RIGI: variants seen among roughly 807,000 people sequenced by gnomAD.
The protein encoded by RIGI is antiviral innate immune response receptor RIG-I.
At chr9:32,484,531 C>T in the RIGI span, among the ~76,000 whole-genome samples, 3 of 152,216 alleles carry the variant, frequency 2.0e-5, no homozygotes, top group Middle Eastern at 6.8e-3. Context: ...GGGAAATCAG[C>T]CCCTCCTGCC....
At chr9:32,471,517 T>C in the RIGI span, among the ~76,000 whole-genome samples, 1 of 152,228 alleles carries the variant, frequency 6.6e-6, no homozygotes, top group Non-Finnish European at 1.5e-5. Flanking sequence ...AGCTCACATT[T>C]TGTAGAAGAA....
the RIGI span, among the ~76,000 whole-genome samples, chr9:32,478,716 T>C: frequency 6.6e-6 from 1 of 152,046 alleles, no homozygotes; most frequent in Non-Finnish European, 1.5e-5. Context: ...CATACCACTA[T>C]GCTCAGCTAA....
chr9:32,505,507 A>G, the RIGI span, among the ~76,000 whole-genome samples: 1 of 152,184 alleles, frequency 6.6e-6, no homozygotes, highest in Non-Finnish European at 1.5e-5. Context: ...CCTCACTCAA[A>G]TCAGAGACAG....
At chr9:32,493,760 C>T in the RIGI span, 2 of 1,541,026 alleles carry the variant, frequency 1.3e-6, no homozygotes, top group Admixed American at 2.0e-5. Flanking sequence ...TATTAACTTA[C>T]CTGTAGAATT....
chr9:32,524,270 T>G, the RIGI span, among the ~76,000 whole-genome samples: 3 of 152,176 alleles, frequency 2.0e-5, no homozygotes, highest in Admixed American at 1.3e-4. Flanking sequence ...GCTGAGTAAA[T>G]TACCTCCAAT....
chr9:32,525,914 C>T, the RIGI span: 1 of 708,940 alleles, frequency 1.4e-6, no homozygotes, highest in Non-Finnish European at 2.5e-6. Context: ...ACTCTGGCAA[C>T]CTCTAGCCTA....
chr9:32,470,041 T>C, the RIGI span, among the ~76,000 whole-genome samples: 12 of 152,234 alleles, frequency 7.9e-5, no homozygotes, highest in East Asian at 3.8e-4. Context: ...GGCAGCTTTA[T>C]TTTCAGAAAG....
At chr9:32,463,833 A>C in the RIGI span, among the ~76,000 whole-genome samples, 7 of 133,300 alleles carry the variant, frequency 5.3e-5, no homozygotes, top group Non-Finnish European at 1.1e-4. Context: ...CTTTCACCCC[A>C]TCTTTATTCT....
chr9:32,471,974 A>C, the RIGI span, among the ~76,000 whole-genome samples: 2 of 152,132 alleles, frequency 1.3e-5, no homozygotes, highest in Admixed American at 1.3e-4. Context: ...TGCTTATTAT[A>C]AACAACACTA....
At chr9:32,490,523 A>C in the RIGI span, among the ~76,000 whole-genome samples, 1 of 152,180 alleles carries the variant, frequency 6.6e-6, no homozygotes, top group Non-Finnish European at 1.5e-5. Context: ...CAAAACAAAA[A>C]AACTTGTAAC....
chr9:32,525,700 T>C, the RIGI span, among the ~76,000 whole-genome samples: 1 of 152,210 alleles, frequency 6.6e-6, no homozygotes, highest in East Asian at 1.9e-4. Context: ...TGGACTGTAA[T>C]GTATACTAAG....
the RIGI span, among the ~76,000 whole-genome samples, chr9:32,467,233 G>A: frequency 6.6e-6 from 1 of 151,740 alleles, no homozygotes; most frequent in Non-Finnish European, 1.5e-5. Context: ...TTGGATTTTG[G>A]AAACTCTTTA....
chr9:32,490,380 T>TAACAAC, the RIGI span, among the ~76,000 whole-genome samples: 1 of 151,372 alleles, frequency 6.6e-6, no homozygotes, highest in East Asian at 1.9e-4. Flanking sequence ...CAAAAAACAA[T>TAACAAC]AACAACAACA....
At chr9:32,482,808 G>A in the RIGI span, among the ~76,000 whole-genome samples, 5 of 151,706 alleles carry the variant, frequency 3.3e-5, no homozygotes, top group African/African-American at 7.3e-5. Context: ...GCAGTGAACC[G>A]AGATCACGTC....
chr9:32,463,667 A>G, the RIGI span, among the ~76,000 whole-genome samples: 1 of 152,014 alleles, frequency 6.6e-6, no homozygotes, highest in Non-Finnish European at 1.5e-5. Flanking sequence ...TCAACCAATC[A>G]TAAGTTAAGT....
the RIGI span, among the ~76,000 whole-genome samples, chr9:32,500,393 T>C: frequency 1.3e-5 from 2 of 152,216 alleles, no homozygotes; most frequent in Non-Finnish European, 2.9e-5. Context: ...TTCTTTAATA[T>C]CTTTTAATAA....
At chr9:32,484,027 T>C in the RIGI span, among the ~76,000 whole-genome samples, 1 of 152,098 alleles carries the variant, frequency 6.6e-6, no homozygotes, top group Non-Finnish European at 1.5e-5. Flanking sequence ...TCCTTAGCAC[T>C]AAATGAATGA....
the RIGI span, among the ~76,000 whole-genome samples, chr9:32,502,069 C>G: frequency 9.9e-5 from 15 of 152,192 alleles, no homozygotes; most frequent in Admixed American, 2.6e-4. Flanking sequence ...AATTGAGTCT[C>G]CATGGATTTG....
the RIGI span, chr9:32,498,409 C>T: frequency 2.2e-6 from 1 of 454,390 alleles, no homozygotes; most frequent in African/African-American, 2.0e-5. Flanking sequence ...ACTCTCCCCA[C>T]CCTCCAAGTG....
Sources: allele counts gnomAD v4.1 joint callset (sites outside exome capture counted in the v4.1 genomes callset), GRCh38; gene constraint gnomAD v4.1.1; transcripts MANE v1.5; gene names NCBI Gene and HGNC (gene_info 2026-07-23, HGNC 2026-07-21).